The following NALF1 variants were observed in gnomAD, a reference collection of about 807,000 sequenced individuals.
The protein encoded by NALF1 is NALCN channel auxiliary factor 1.
NALF1 carries 3 observed loss-of-function variants against 48.4 expected under a neutral mutation model. The ratio of observed to expected loss-of-function variants is 0.06; its 90% CI spans 0.03 to 0.16. NALF1 has a LOEUF of 0.16. Among genes scored for constraint, NALF1 ranks in the 10% least tolerant of loss-of-function variants. The pLI, the probability that NALF1 is intolerant of heterozygous loss-of-function variation, is 1.00. For missense variants in NALF1, 526 were observed against 571.5 expected, an observed-to-expected ratio of 0.92 and a Z score of 0.81; for synonymous variants, 262 against 245.7, an observed-to-expected ratio of 1.07 and a Z score of -0.62.
chr13:107,676,236 C>T (rs1296916395), intron 1 of NALF1, among the ~76,000 whole-genome samples: 2 of 152,148 alleles, frequency 1.3e-5, no homozygotes, highest in African/African-American at 2.4e-5. Flanking sequence ...AGTATATTTG[C>T]CTTAAAAATA....
intron 1 of NALF1, among the ~76,000 whole-genome samples, chr13:107,449,761 G>A (rs1337756856): frequency 2.0e-5 from 3 of 152,124 alleles, no homozygotes; most frequent in African/African-American, 4.8e-5. Context: ...ATGTGTTGGA[G>A]GCTATTCTCG....
intron 2 of NALF1, among the ~76,000 whole-genome samples, chr13:107,197,095 A>G (rs997986358): frequency 6.6e-6 from 1 of 152,146 alleles, no homozygotes; most frequent in Non-Finnish European, 1.5e-5. Context: ...GAGATGCCTG[A>G]GCTGGCAGGT....
intron 1 of NALF1, among the ~76,000 whole-genome samples, chr13:107,259,076 A>G (rs1008419125): frequency 4.1e-4 from 62 of 152,220 alleles, no homozygotes; most frequent in African/African-American, 1.4e-3. Flanking sequence ...CCACGATTAC[A>G]TCTCCCCTGA....
At chr13:107,262,570 G>A (rs573616800) in intron 1 of NALF1, among the ~76,000 whole-genome samples, 16 of 152,170 alleles carry the variant, frequency 1.1e-4, no homozygotes, top group African/African-American at 3.6e-4. Flanking sequence ...TGTGTTATAG[G>A]CACAAAAACA....
intron 1 of NALF1, among the ~76,000 whole-genome samples, chr13:107,584,636 G>C (rs939047610): frequency 1.1e-4 from 16 of 152,108 alleles, no homozygotes; most frequent in African/African-American, 3.9e-4. Context: ...CTGTAATGTT[G>C]ACTAAACTGC....
At chr13:107,811,893 G>A (rs1879004232) in intron 1 of NALF1, among the ~76,000 whole-genome samples, 1 of 152,114 alleles carries the variant, frequency 6.6e-6, no homozygotes, top group African/African-American at 2.4e-5. Flanking sequence ...TAAGTTTCCA[G>A]CACATTAACT....
chr13:107,783,167 AGCCGCCCCG>A (rs1877963472), intron 1 of NALF1, among the ~76,000 whole-genome samples: 1 of 128,822 alleles, frequency 7.8e-6, no homozygotes, highest in Non-Finnish European at 1.7e-5. Flanking sequence ...CTGCCCGGCC[AGCCGCCCCG>A]TCCGGGAGGG....
In NALF1 at chr13:107,460,712, A is replaced by T. The variant is rs375702679; in HGVS notation, c.916-249957T>A. On this transcript the variant is annotated intron_variant, in intron 1 of 2. Transcript: ENST00000375915. Reference sequence around the variant, plus strand: ...GTACGATATACACTAAATTCTCCATATTGATAATACATAGTCACTATCAAT... The same window carrying T: ...GTACGATATACACTAAATTCTCCATTTTGATAATACATAGTCACTATCAAT... Among the ~76,000 whole-genome samples, 48 of 152,320 alleles carry T rather than the reference A, an allele frequency of 3.2e-4. No homozygotes were observed. The East Asian group carries it at 8.9e-3, about 28-fold the overall frequency.
At chr13:107,628,884 C>G (rs1879757096) in intron 1 of NALF1, among the ~76,000 whole-genome samples, 1 of 152,128 alleles carries the variant, frequency 6.6e-6, no homozygotes, top group African/African-American at 2.4e-5. Context: ...TCTGCTCTTT[C>G]TTCGTGAATC....
chr13:107,204,376 T>C (rs533170690), intron 2 of NALF1, among the ~76,000 whole-genome samples: 3 of 152,340 alleles, frequency 2.0e-5, no homozygotes, highest in South Asian at 4.1e-4. Context: ...CACTGTGTTC[T>C]GGCACTGGGC....
At chr13:107,742,682 G>A (rs980399532) in intron 1 of NALF1, among the ~76,000 whole-genome samples, 3 of 152,092 alleles carry the variant, frequency 2.0e-5, no homozygotes, top group Non-Finnish European at 4.4e-5. Context: ...GTGTGAGAAT[G>A]GACTAACATA....
intron 1 of NALF1, among the ~76,000 whole-genome samples, chr13:107,433,312 A>G (rs1002787149): frequency 1.3e-5 from 2 of 152,202 alleles, no homozygotes; most frequent in African/African-American, 2.4e-5. Context: ...CTAATAACTG[A>G]TAACTGTCTA....
chr13:107,528,369 AC>A (rs1484628152), intron 1 of NALF1, among the ~76,000 whole-genome samples: 1 of 152,262 alleles, frequency 6.6e-6, no homozygotes, highest in East Asian at 1.9e-4. Context: ...CTAACAAGTA[AC>A]TGTGTGACAT....
chr13:107,671,050 C>T (rs555516942), intron 1 of NALF1, among the ~76,000 whole-genome samples: 5 of 151,998 alleles, frequency 3.3e-5, no homozygotes, highest in East Asian at 3.9e-4. Context: ...CCTTATCAAT[C>T]GAAAATGTTG....
At chr13:107,416,666 CAGT>C (rs1300885777) in intron 1 of NALF1, among the ~76,000 whole-genome samples, 1 of 152,152 alleles carries the variant, frequency 6.6e-6, no homozygotes, top group African/African-American at 2.4e-5. Context: ...TTTTGGTCAA[CAGT>C]AGACTATTAG....
intron 1 of NALF1, among the ~76,000 whole-genome samples, chr13:107,537,245 A>C (rs1373013434): frequency 1.3e-5 from 2 of 152,134 alleles, no homozygotes; most frequent in East Asian, 3.9e-4. Context: ...AAAAGTTAAA[A>C]AAAAAGGGAG....
At chr13:107,187,959 A>C (rs1480152958) in intron 2 of NALF1, among the ~76,000 whole-genome samples, 1 of 152,134 alleles carries the variant, frequency 6.6e-6, no homozygotes, top group Non-Finnish European at 1.5e-5. Context: ...TCCAGGCTTT[A>C]TGGCTTCTGT....
intron 1 of NALF1, among the ~76,000 whole-genome samples, chr13:107,308,066 T>C (rs1244137620): frequency 6.6e-6 from 1 of 152,176 alleles, no homozygotes; most frequent in African/African-American, 2.4e-5. Flanking sequence ...ACCCTTAGTA[T>C]AATACCAGTG....
intron 1 of NALF1, among the ~76,000 whole-genome samples, chr13:107,570,572 ATTTAT>A (rs10672418): frequency 3.6e-4 from 53 of 146,502 alleles, no homozygotes; most frequent in Non-Finnish European, 7.2e-4. Flanking sequence ...TTATTTATTT[ATTTAT>A]TTTATTTTAT....
Sources: allele counts gnomAD v4.1 joint callset (sites outside exome capture counted in the v4.1 genomes callset), GRCh38; gene constraint gnomAD v4.1.1; transcripts MANE v1.5; gene names NCBI Gene and HGNC (gene_info 2026-07-23, HGNC 2026-07-21).